SEC14L1: variants seen among roughly 807,000 people sequenced by gnomAD.
SEC14L1 encodes SEC14 like lipid binding 1, also known as SEC14-like protein 1.
A neutral mutation model predicts 85.3 loss-of-function variants in SEC14L1; 48 were observed. The ratio of observed to expected loss-of-function variants is 0.56; its 90% CI spans 0.45 to 0.72. The LOEUF (loss-of-function observed/expected upper bound fraction) is 0.72. Among genes scored for constraint, SEC14L1 ranks in the 30% least tolerant of loss-of-function variants. SEC14L1 has a pLI of 0.00. For missense variants in SEC14L1, 682 were observed against 921.4 expected, an observed-to-expected ratio of 0.74 and a Z score of 3.36; for synonymous variants, 391 against 355.5, an observed-to-expected ratio of 1.10 and a Z score of -1.12.
chr17:77,174,357 C>T (rs1974653374), intron 3 of SEC14L1, among the ~76,000 whole-genome samples: 1 of 152,124 alleles, frequency 6.6e-6, no homozygotes. Flanking sequence ...TCGGTATGAT[C>T]CCCCGACAGG....
intron 3 of SEC14L1, among the ~76,000 whole-genome samples, chr17:77,184,525 G>A (rs533204872): frequency 2.0e-4 from 30 of 151,594 alleles, no homozygotes; most frequent in Admixed American, 1.6e-3. Flanking sequence ...TTTCTTTCTG[G>A]TGTTCAAATT....
At chr17:77,140,351 C>A (rs1171966465), upstream of SEC14L1, among the ~76,000 whole-genome samples, 2 of 152,228 alleles carry the variant, frequency 1.3e-5, no homozygotes, top group African/African-American at 4.8e-5. Context: ...TCCACCCGGG[C>A]TCACCCGGGC....
intron 3 of SEC14L1, among the ~76,000 whole-genome samples, chr17:77,124,171 C>T (rs561165332): frequency 1.3e-5 from 2 of 152,214 alleles, no homozygotes; most frequent in African/African-American, 2.4e-5. Flanking sequence ...CGAGACCAGC[C>T]TTGGCAACAT....
chr17:77,191,003 G>A (rs373675384), intron 4 of SEC14L1, 51 bp downstream of exon 4: 1 of 1,602,188 alleles, frequency 6.2e-7, no homozygotes, highest in Non-Finnish European at 8.5e-7. Flanking sequence ...TGGTGGGAGA[G>A]GGCGTCCTGG....
At chr17:77,170,220 A>G (rs553066925) in intron 3 of SEC14L1, among the ~76,000 whole-genome samples, 1 of 152,272 alleles carries the variant, frequency 6.6e-6, no homozygotes, top group African/African-American at 2.4e-5. Context: ...GAAGAGACAG[A>G]TTAAACTTTC....
intron 9 of SEC14L1, 69 bp downstream of exon 9, chr17:77,200,742 C>T (rs1444604988): frequency 2.0e-6 from 3 of 1,485,862 alleles, no homozygotes; most frequent in African/African-American, 2.8e-5. Context: ...TCTTCCAAGG[C>T]CTCCTTCCCT....
chr17:77,177,668 G>A (rs1183356103), intron 3 of SEC14L1, among the ~76,000 whole-genome samples: 1 of 152,086 alleles, frequency 6.6e-6, no homozygotes, highest in Non-Finnish European at 1.5e-5. Flanking sequence ...TATATCTAAT[G>A]CTAGATCTGA....
chr17:77,147,827 A>C (rs2143548009), intron 3 of SEC14L1, among the ~76,000 whole-genome samples: 1 of 152,286 alleles, frequency 6.6e-6, no homozygotes, highest in East Asian at 1.9e-4. Context: ...CTCATTTTTT[A>C]AATTGAGTTA....
At chr17:77,209,205 C>T (rs887370233) in intron 13 of SEC14L1, 137 bp from the exon 14 acceptor site, 15 of 969,032 alleles carry the variant, frequency 1.5e-5, no homozygotes, top group African/African-American at 4.9e-5. Flanking sequence ...GAGTGTTTTA[C>T]GACCCTGCCA....
intron 3 of SEC14L1, among the ~76,000 whole-genome samples, chr17:77,116,919 G>A (rs1043009219): frequency 2.6e-5 from 4 of 152,186 alleles, no homozygotes; most frequent in Non-Finnish European, 4.4e-5. Context: ...TTTGGACCAT[G>A]ATTCCAGGCG....
chr17:77,125,979 C>T (rs1264581804), intron 3 of SEC14L1, among the ~76,000 whole-genome samples: 2 of 152,198 alleles, frequency 1.3e-5, no homozygotes, highest in African/African-American at 4.8e-5. Flanking sequence ...TGGCAAAACC[C>T]CATCTCTACA....
intron 3 of SEC14L1, among the ~76,000 whole-genome samples, chr17:77,101,872 G>A (rs1292388119): frequency 4.6e-5 from 7 of 152,280 alleles, no homozygotes; most frequent in South Asian, 2.1e-4. Context: ...TAGGGAAAAC[G>A]TTCCCAACAG....
chr17:77,212,208 TCA>T lies in SEC14L1; in HGVS notation c.1863+14_1863+15del. The T allele has an allele frequency of 3.1e-6, 5 of 1,612,758 alleles. No individual in the cohort carries two copies. Among genetic ancestry groups the T allele is most frequent in the Non-Finnish European group, 4.2e-6 (5 of 1,179,536 alleles). Reference sequence around the variant, plus strand: ...AGAAGGAGAAAGCGTGCAGGTAAAATCACACACAGGTCAAATCGCGCATCCGT... The same window carrying T: ...AGAAGGAGAAAGCGTGCAGGTAAAATCACACAGGTCAAATCGCGCATCCGT... On this transcript the variant is annotated splice_region_variant and intron_variant, in intron 15 of 16. Coordinates refer to ENST00000436233, the MANE Select transcript of SEC14L1 (RefSeq NM_001143998.2).
chr17:77,161,887 CCTCTCTTT>C (rs1308316858), intron 3 of SEC14L1, among the ~76,000 whole-genome samples: 5 of 140,612 alleles, frequency 3.6e-5, no homozygotes, highest in South Asian at 2.6e-4. Flanking sequence ...TTCCTTCCTT[CCTCTCTTT>C]CTCTCTTTCT....
At chr17:77,205,554 G>T (rs1450333173) in intron 11 of SEC14L1, among the ~76,000 whole-genome samples, 1 of 152,186 alleles carries the variant, frequency 6.6e-6, no homozygotes, top group Non-Finnish European at 1.5e-5. Flanking sequence ...GCCAGAGTGG[G>T]TTGGCCTGTC....
intron 3 of SEC14L1, among the ~76,000 whole-genome samples, chr17:77,184,029 G>T (rs901602031): frequency 3.3e-5 from 5 of 151,990 alleles, no homozygotes; most frequent in South Asian, 2.1e-4. Flanking sequence ...CAGGTGATTC[G>T]CTTGCCTTGA....
chr17:77,210,142 C>G (rs116852635), intron 14 of SEC14L1: 1 of 152,350 alleles, frequency 6.6e-6, no homozygotes, highest in African/African-American at 2.4e-5. Flanking sequence ...TGTACCTGGC[C>G]CGTTTGCTAC....
At chr17:77,131,119 G>A (rs1972597230) in intron 3 of SEC14L1, among the ~76,000 whole-genome samples, 1 of 152,196 alleles carries the variant, frequency 6.6e-6, no homozygotes, top group South Asian at 2.1e-4. Context: ...GAATTGTGAA[G>A]TGCATGGGCC....
chr17:77,196,952 A>G (rs1598383331), intron 8 of SEC14L1, among the ~76,000 whole-genome samples: 1 of 152,158 alleles, frequency 6.6e-6, no homozygotes, highest in Non-Finnish European at 1.5e-5. Context: ...TCTTTATTCC[A>G]TCCTTCCGGC....
Sources: gnomAD v4.1 joint callset for allele counts (sites outside exome capture counted in the v4.1 genomes callset) on GRCh38, gnomAD v4.1.1 for gene constraint, MANE v1.5 for transcripts, NCBI Gene and HGNC (gene_info 2026-07-23, HGNC 2026-07-21) for gene names.